The following RUNX2 variants were observed in gnomAD, a reference collection of about 807,000 sequenced individuals.
The protein encoded by RUNX2 is runt-related transcription factor 2.
In RUNX2, 10 loss-of-function variants were observed where a neutral mutation model predicts 51.7. The observed-to-expected ratio is 0.19, with a 90% CI of 0.12 to 0.33. RUNX2 has a LOEUF of 0.33. RUNX2 is among the 10% of genes least tolerant of loss of function. The probability of loss-of-function intolerance (pLI) is 1.00; values close to 1 mark genes in which losing one functional copy is unlikely to be tolerated. For synonymous variants in RUNX2, 276 were observed against 273.6 expected, an observed-to-expected ratio of 1.01 and a Z score of -0.09; for missense variants, 562 against 691.3, an observed-to-expected ratio of 0.81 and a Z score of 2.10.
At chr6:45,458,534 A>G (rs1799384627) in intron 5 of RUNX2, among the ~76,000 whole-genome samples, 3 of 152,236 alleles carry the variant, frequency 2.0e-5, no homozygotes, top group African/African-American at 7.2e-5. Context: ...CCAATGTGTT[A>G]ACTGGCAAAT....
intron 7 of RUNX2, among the ~76,000 whole-genome samples, chr6:45,513,903 G>A (rs1440009787): frequency 2.6e-5 from 4 of 152,170 alleles, no homozygotes; most frequent in Non-Finnish European, 4.4e-5. Flanking sequence ...GGCTGATGCG[G>A]GATTAAAAGC....
At chr6:45,379,660 A>G (rs1582051245) in intron 2 of RUNX2, among the ~76,000 whole-genome samples, 1 of 152,058 alleles carries the variant, frequency 6.6e-6, no homozygotes, top group East Asian at 1.9e-4. Flanking sequence ...AGGTCAGGAG[A>G]TCGAAACCAT....
In RUNX2 at chr6:45,549,995, T is replaced by C. The variant is rs1278616723; in HGVS notation, c.*2690T>C. The C allele has an allele frequency of 2.2e-5, 3 of 136,278 alleles. No homozygotes were observed. Among genetic ancestry groups the C allele is most frequent in the African/African-American group, 8.8e-5 (3 of 34,246 alleles). The allele number at this position is 136,278 out of a possible 1,614,324, so 8.4% of individuals were successfully genotyped here. On this transcript the variant is annotated 3_prime_UTR_variant, in exon 9 of 9. Coordinates refer to ENST00000647337, the MANE Select transcript of RUNX2 (RefSeq NM_001024630.4). ...TCTAGGGATTAAAATTTTGTTTTTC[T>C]TTCTTTCTTTTTTTTTTTTTTTCAC...
intron 7 of RUNX2, among the ~76,000 whole-genome samples, chr6:45,535,007 C>A (rs751932772): frequency 6.6e-6 from 1 of 152,038 alleles, no homozygotes; most frequent in Non-Finnish European, 1.5e-5. Context: ...AACCAAATAC[C>A]GCTGCATGTT....
At position 45,354,325 on chromosome 6, in the gene RUNX2, T is replaced by C. The variant is rs141281860; in HGVS notation, c.58+25541T>C. 8.7e-3 allele frequency among the ~76,000 whole-genome samples: 1,319 copies of C among 152,194 alleles called. 3 individuals are homozygous for C. The highest frequency in any genetic ancestry group is 0.014 in the Non-Finnish European group (976 of 68,008). On this transcript the variant is annotated intron_variant, in intron 2 of 8. Transcript: ENST00000647337. ...TCTGATAACATAGTTGTTCACAATA[T>C]AGCAGGTGAAAGGAAAAAAGGACAG... is the stretch of plus-strand genomic sequence containing the variant.
intron 6 of RUNX2, among the ~76,000 whole-genome samples, chr6:45,503,791 T>C (rs1242908916): frequency 1.3e-5 from 2 of 152,254 alleles, no homozygotes; most frequent in East Asian, 1.9e-4. Context: ...AAGTTGGTGA[T>C]ACATAAGAGT....
intron 7 of RUNX2, among the ~76,000 whole-genome samples, chr6:45,512,824 C>T (rs1341456638): frequency 1.3e-5 from 2 of 151,932 alleles, no homozygotes; most frequent in African/African-American, 4.8e-5. Context: ...CTTATAAGTC[C>T]CAGGAGTCCA....
At chr6:45,429,562 C>T (rs2150366480) in intron 3 of RUNX2, among the ~76,000 whole-genome samples, 1 of 152,262 alleles carries the variant, frequency 6.6e-6, no homozygotes, top group East Asian at 1.9e-4. Flanking sequence ...ACTTTTGATC[C>T]AGGAGACTTC....
intron 2 of RUNX2, among the ~76,000 whole-genome samples, chr6:45,333,750 T>C (rs1787985407): frequency 6.6e-6 from 1 of 151,378 alleles, no homozygotes; most frequent in South Asian, 2.1e-4. Flanking sequence ...CATAAGTACT[T>C]AATACATGAA....
chr6:45,493,730 CTG>C lies in RUNX2; in HGVS notation c.859+1642_859+1643del, dbSNP rs34362546. 8.8e-3 allele frequency among the ~76,000 whole-genome samples: 1,286 copies of C among 146,666 alleles called. 15 individuals are homozygous for C. Among genetic ancestry groups the C allele is most frequent in the African/African-American group, 0.019 (765 of 40,082 alleles). On this transcript the variant is annotated intron_variant, in intron 6 of 8. Coordinates refer to ENST00000647337, the MANE Select transcript of RUNX2 (RefSeq NM_001024630.4). ...TTTTGTCTTTATAGTAATCCTTAGACTGTGTGTGTGTGTGTGTGTGTGTGTGT... is the reference window on the plus strand; with the variant it reads ...TTTTGTCTTTATAGTAATCCTTAGACTGTGTGTGTGTGTGTGTGTGTGTGT...
chr6:45,360,400 T>A (rs1264466397), intron 2 of RUNX2, among the ~76,000 whole-genome samples: 1 of 152,202 alleles, frequency 6.6e-6, no homozygotes, highest in Non-Finnish European at 1.5e-5. Flanking sequence ...TTACAGTATG[T>A]TCGTACTTTT....
intron 2 of RUNX2, among the ~76,000 whole-genome samples, chr6:45,347,281 A>T (rs1791082870): frequency 6.6e-6 from 1 of 152,198 alleles, no homozygotes; most frequent in Non-Finnish European, 1.5e-5. Flanking sequence ...TTTAAAATGA[A>T]TTCGATTTCA....
chr6:45,398,476 A>G (rs187929267), intron 2 of RUNX2, among the ~76,000 whole-genome samples: 1 of 152,206 alleles, frequency 6.6e-6, no homozygotes, highest in Non-Finnish European at 1.5e-5. Context: ...TATATATAAC[A>G]TTACAAATGT....
chr6:45,469,665 T>C (rs1402279412), intron 5 of RUNX2, among the ~76,000 whole-genome samples: 1 of 152,258 alleles, frequency 6.6e-6, no homozygotes, highest in Non-Finnish European at 1.5e-5. Context: ...TTGGGATGCC[T>C]GTACAATTTC....
intron 7 of RUNX2, among the ~76,000 whole-genome samples, chr6:45,518,445 C>T (rs1017603213): frequency 5.3e-5 from 8 of 152,030 alleles, no homozygotes; most frequent in African/African-American, 1.9e-4. Context: ...CCTGGACCTC[C>T]GTTTACTCTA....
chr6:45,490,573 G>C (rs554337986), intron 5 of RUNX2, among the ~76,000 whole-genome samples: 16 of 152,280 alleles, frequency 1.1e-4, no homozygotes, highest in African/African-American at 3.4e-4. Flanking sequence ...TTATAGTTGG[G>C]AAATTCTAAT....
chr6:45,350,310 A>G (rs932382845), intron 2 of RUNX2, among the ~76,000 whole-genome samples: 4 of 152,226 alleles, frequency 2.6e-5, no homozygotes, highest in Admixed American at 2.6e-4. Flanking sequence ...ATAATCTTCT[A>G]GATTAAATGT....
intron 7 of RUNX2, among the ~76,000 whole-genome samples, chr6:45,535,529 G>A (rs531539474): frequency 3.3e-5 from 5 of 152,012 alleles, no homozygotes; most frequent in East Asian, 1.9e-4. Context: ...GCGTGAACCC[G>A]GGAGGCAGAG....
intron 2 of RUNX2, among the ~76,000 whole-genome samples, chr6:45,411,736 C>T (rs1797955744): frequency 6.6e-6 from 1 of 152,130 alleles, no homozygotes; most frequent in African/African-American, 2.4e-5. Context: ...AACACTTCAA[C>T]CAGTTTTCAT....
Sources: gnomAD v4.1 joint callset for allele counts (sites outside exome capture counted in the v4.1 genomes callset) on GRCh38, gnomAD v4.1.1 for gene constraint, MANE v1.5 for transcripts, NCBI Gene and HGNC (gene_info 2026-07-23, HGNC 2026-07-21) for gene names.